WWOX: variants seen among roughly 807,000 people sequenced by gnomAD.
WWOX encodes the protein WW domain containing oxidoreductase.
Under a neutral mutation model 46.2 loss-of-function variants are expected in WWOX, and 69 were observed. The ratio of observed to expected loss-of-function variants is 1.49; its 90% CI spans 1.23 to 1.82. The LOEUF is 1.82. WWOX is among the 40% of genes most tolerant of loss of function. WWOX has a pLI of 0.00. For synonymous variants in WWOX, 359 were observed against 202.6 expected, an observed-to-expected ratio of 1.77 and a Z score of -6.56; for missense variants, 919 against 542.6, an observed-to-expected ratio of 1.69 and a Z score of -6.89.
chr16:78,676,045 G>C (rs1182175455), intron 8 of WWOX, among the ~76,000 whole-genome samples: 1 of 151,946 alleles, frequency 6.6e-6, no homozygotes, highest in African/African-American at 2.4e-5. Flanking sequence ...CTTCTCCGCT[G>C]CTTGTTTAAG....
intron 8 of WWOX, among the ~76,000 whole-genome samples, chr16:78,844,871 C>G (rs1268835551): frequency 6.6e-6 from 1 of 152,164 alleles, no homozygotes; most frequent in Non-Finnish European, 1.5e-5. Flanking sequence ...TCACCAGGGA[C>G]TGAGCATACA....
intron 8 of WWOX, among the ~76,000 whole-genome samples, chr16:78,697,126 C>T (rs532549888): frequency 4.6e-5 from 7 of 152,262 alleles, no homozygotes; most frequent in South Asian, 4.1e-4. Context: ...TGTAAACATG[C>T]GTGTGCAAGT....
chr16:78,831,530 C>G (rs928630173), intron 8 of WWOX, among the ~76,000 whole-genome samples: 2 of 152,184 alleles, frequency 1.3e-5, no homozygotes, highest in Admixed American at 1.3e-4. Flanking sequence ...GGTGCCCATG[C>G]CCGGGTGCAC....
chr16:78,119,875 T>A (rs2033001415), intron 4 of WWOX, among the ~76,000 whole-genome samples: 1 of 152,188 alleles, frequency 6.6e-6, no homozygotes, highest in Admixed American at 6.5e-5. Context: ...AAAACTTGAT[T>A]TTTAAAATTT....
intron 5 of WWOX, among the ~76,000 whole-genome samples, chr16:78,229,734 T>A (rs1597377241): frequency 6.6e-6 from 1 of 152,100 alleles, no homozygotes. Flanking sequence ...GCAGACCATG[T>A]GGAATCCCAT....
chr16:78,699,307 G>A (rs1198504585), intron 8 of WWOX, among the ~76,000 whole-genome samples: 1 of 151,918 alleles, frequency 6.6e-6, no homozygotes, highest in African/African-American at 2.4e-5. Context: ...GCTTATGTGG[G>A]TGGATCGCTT....
chr16:78,859,001 TAAAAAAAAAAA>T (rs542176032), intron 8 of WWOX, among the ~76,000 whole-genome samples: 1 of 44,330 alleles, frequency 2.3e-5, no homozygotes, highest in East Asian at 6.4e-4. Context: ...TTTTGAAATT[TAAAAAAAAAAA>T]AAAAAAAAAA....
At chr16:78,911,845 G>T (rs1157809986) in intron 8 of WWOX, among the ~76,000 whole-genome samples, 1 of 152,058 alleles carries the variant, frequency 6.6e-6, no homozygotes, top group Non-Finnish European at 1.5e-5. Flanking sequence ...CAGCCTGGGT[G>T]ACAGAGCAGG....
At chr16:79,167,371 T>G (rs935874109) in intron 8 of WWOX, among the ~76,000 whole-genome samples, 1 of 152,186 alleles carries the variant, frequency 6.6e-6, no homozygotes, top group African/African-American at 2.4e-5. Context: ...TTATTCTTAG[T>G]ATTTGGTTTT....
chr16:78,577,144 GC>G (rs575766897), intron 8 of WWOX, among the ~76,000 whole-genome samples: 125 of 152,272 alleles, frequency 8.2e-4, no homozygotes, highest in African/African-American at 2.9e-3. Context: ...ATAGGGTTGG[GC>G]TGAAACTTAA....
intron 8 of WWOX, among the ~76,000 whole-genome samples, chr16:79,034,081 G>A (rs571542519): frequency 6.6e-6 from 1 of 152,214 alleles, no homozygotes; most frequent in African/African-American, 2.4e-5. Context: ...GTGTGGGCTG[G>A]TGGTAATGGG....
At chr16:78,860,399 C>T (rs1161384388) in intron 8 of WWOX, among the ~76,000 whole-genome samples, 1 of 152,090 alleles carries the variant, frequency 6.6e-6, no homozygotes, top group Non-Finnish European at 1.5e-5. Flanking sequence ...CTTGATGCCT[C>T]ACATAAGACC....
rs573879026 is a variant in WWOX, at chr16:78,326,015, C to T, written c.517-60845C>T. 3.1e-4 allele frequency among the ~76,000 whole-genome samples: 47 copies of T among 152,282 alleles called. No homozygotes were observed. The South Asian group carries it at 6.6e-3, about 21-fold the overall frequency. On this transcript the variant is annotated intron_variant, in intron 5 of 8. Transcript: ENST00000566780. ...GGGCTCTTTTGCAGATGAGGAAATG[C>T]AGGCTCAGAGTTATCTAGCATTGTA...
intron 5 of WWOX, among the ~76,000 whole-genome samples, chr16:78,191,258 G>C (rs1483263441): frequency 6.6e-6 from 1 of 152,080 alleles, no homozygotes; most frequent in Non-Finnish European, 1.5e-5. Context: ...TCCTCCACCT[G>C]GGCACCCAGC....
At chr16:78,422,545 C>A (rs73572814) in intron 6 of WWOX, among the ~76,000 whole-genome samples, 12,846 of 149,276 alleles carry the variant, frequency 0.086, 1,611 homozygotes, top group African/African-American at 0.28. Flanking sequence ...TGGGGTCTTG[C>A]TGTGTTGCTC....
intron 4 of WWOX, among the ~76,000 whole-genome samples, chr16:78,150,134 C>G (rs1036336516): frequency 6.6e-6 from 1 of 152,092 alleles, no homozygotes; most frequent in Non-Finnish European, 1.5e-5. Flanking sequence ...ATTGGGGTTC[C>G]CACGACCATC....
At chr16:78,566,088 C>G (rs1039943236) in intron 8 of WWOX, among the ~76,000 whole-genome samples, 1 of 152,168 alleles carries the variant, frequency 6.6e-6, no homozygotes, top group African/African-American at 2.4e-5. Context: ...CTGAGGCTCT[C>G]TTTCTGGTTC....
At chr16:78,880,032 A>G (rs917555763) in intron 8 of WWOX, among the ~76,000 whole-genome samples, 1 of 152,244 alleles carries the variant, frequency 6.6e-6, no homozygotes, top group Non-Finnish European at 1.5e-5. Flanking sequence ...TCAAAAGTAG[A>G]TAAAGTAAAA....
intron 8 of WWOX, among the ~76,000 whole-genome samples, chr16:78,626,932 T>C (rs527655631): frequency 6.6e-6 from 1 of 152,332 alleles, no homozygotes; most frequent in East Asian, 1.9e-4. Context: ...AAGTTGCTGC[T>C]GTTGGCTCCT....
Sources: allele counts gnomAD v4.1 joint callset (sites outside exome capture counted in the v4.1 genomes callset), GRCh38; gene constraint gnomAD v4.1.1; transcripts MANE v1.5; gene names NCBI Gene and HGNC (gene_info 2026-07-23, HGNC 2026-07-21).